The following LOC400499 variants were observed in gnomAD, a reference collection of about 807,000 sequenced individuals.
the LOC400499 span, chr16:11,460,017 T>G: frequency 1.3e-6 from 2 of 1,487,280 alleles, no homozygotes; most frequent in East Asian, 2.5e-5. Flanking sequence ...CAGCTGTGAG[T>G]GCAGGTGGCC....
At chr16:11,450,678 G>A in the LOC400499 span, 2 of 1,536,188 alleles carry the variant, frequency 1.3e-6, no homozygotes, top group Non-Finnish European at 1.7e-6. Context: ...GACTCCTGCA[G>A]CCCACGCTGA....
chr16:11,413,435 A>G, the LOC400499 span, among the ~76,000 whole-genome samples: 1 of 152,020 alleles, frequency 6.6e-6, no homozygotes. Flanking sequence ...AGGGTGTGAA[A>G]GAAGCATTGG....
At chr16:11,517,291 A>C in the LOC400499 span, among the ~76,000 whole-genome samples, 12 of 152,228 alleles carry the variant, frequency 7.9e-5, no homozygotes, top group Admixed American at 5.2e-4. Context: ...TAAGCTCCCA[A>C]GTCTCAGCAC....
At chr16:11,522,069 A>T in the LOC400499 span, 1 of 398,974 alleles carries the variant, frequency 2.5e-6, no homozygotes, top group South Asian at 1.3e-4. Flanking sequence ...TGGAAAAATG[A>T]TAGGTGTATC....
the LOC400499 span, among the ~76,000 whole-genome samples, chr16:11,439,272 C>G: frequency 4.6e-5 from 7 of 152,192 alleles, no homozygotes; most frequent in East Asian, 1.9e-4. Flanking sequence ...CCCCTTCAGC[C>G]TGGACCATCA....
chr16:11,401,148 C>A, the LOC400499 span: 1 of 398,082 alleles, frequency 2.5e-6, no homozygotes, highest in South Asian at 1.4e-4. Flanking sequence ...CCGGAGAAGT[C>A]TTTGTCACTG....
chr16:11,515,481 ACATACATACATACATACGTACG>A, the LOC400499 span, among the ~76,000 whole-genome samples: 1 of 145,134 alleles, frequency 6.9e-6, no homozygotes, highest in Non-Finnish European at 1.5e-5. Context: ...ATACGTACGT[ACATACATACATACATACGTACG>A]TACATACATA....
chr16:11,439,622 G>C, the LOC400499 span: 2 of 399,092 alleles, frequency 5.0e-6, no homozygotes, highest in African/African-American at 2.1e-5. Flanking sequence ...AGGGAACAGA[G>C]AGAGAGATGC....
chr16:11,425,037 G>A, the LOC400499 span: 308 of 398,104 alleles, frequency 7.7e-4, no homozygotes, highest in Middle Eastern at 6.9e-3. Context: ...GTGAATTTGG[G>A]GGTTGGAGGC....
chr16:11,401,215 C>T, the LOC400499 span: 9 of 398,776 alleles, frequency 2.3e-5, no homozygotes, highest in East Asian at 3.6e-5. Flanking sequence ...CTCAGTCACG[C>T]GGCTCCCACC....
the LOC400499 span, among the ~76,000 whole-genome samples, chr16:11,516,951 G>C: frequency 4.6e-5 from 7 of 152,166 alleles, no homozygotes; most frequent in Non-Finnish European, 7.4e-5. Context: ...CCAGCCTCTT[G>C]TCTATTTTGA....
chr16:11,501,443 C>T, the LOC400499 span, among the ~76,000 whole-genome samples: 1 of 152,162 alleles, frequency 6.6e-6, no homozygotes, highest in Non-Finnish European at 1.5e-5. Context: ...CTGTAGCCGC[C>T]ACCTCCTGGG....
the LOC400499 span, among the ~76,000 whole-genome samples, chr16:11,427,521 T>A: frequency 2.0e-5 from 3 of 152,148 alleles, no homozygotes; most frequent in Non-Finnish European, 4.4e-5. Context: ...CATGGCTCAC[T>A]GCAATGTCCA....
the LOC400499 span, among the ~76,000 whole-genome samples, chr16:11,374,413 T>C: frequency 6.6e-6 from 1 of 152,332 alleles, no homozygotes; most frequent in East Asian, 1.9e-4. Context: ...ACATGCACAC[T>C]TTTGTGCAAC....
At chr16:11,464,824 G>A in the LOC400499 span, among the ~76,000 whole-genome samples, 9 of 152,280 alleles carry the variant, frequency 5.9e-5, no homozygotes, top group East Asian at 9.6e-4. Flanking sequence ...GAAGATCCAC[G>A]GGGAGGTAGA....
chr16:11,494,861 A>G, the LOC400499 span: 5 of 398,060 alleles, frequency 1.3e-5, no homozygotes, highest in Non-Finnish European at 2.2e-5. Context: ...TTCATAATAC[A>G]GAGCTGAGTC....
At chr16:11,418,051 C>A in the LOC400499 span, among the ~76,000 whole-genome samples, 1 of 152,136 alleles carries the variant, frequency 6.6e-6, no homozygotes, top group African/African-American at 2.4e-5. Context: ...GTAGAGAAAA[C>A]GCGGAGAAAC....
the LOC400499 span, among the ~76,000 whole-genome samples, chr16:11,388,624 C>T: frequency 6.6e-6 from 1 of 152,160 alleles, no homozygotes; most frequent in Non-Finnish European, 1.5e-5. Context: ...CCCCCGTGTT[C>T]TCAACACAGG....
the LOC400499 span, among the ~76,000 whole-genome samples, chr16:11,422,172 G>A: frequency 6.6e-5 from 10 of 152,342 alleles, no homozygotes; most frequent in Admixed American, 2.0e-4. Flanking sequence ...AGGCCGAAAC[G>A]GGCCGATCAC....
Sources: allele counts gnomAD v4.1 joint callset (sites outside exome capture counted in the v4.1 genomes callset), GRCh38; gene constraint gnomAD v4.1.1; transcripts MANE v1.5.